The following ADAMTS10 variants were observed in gnomAD, a reference collection of about 807,000 sequenced individuals.
The protein encoded by ADAMTS10 is ADAM metallopeptidase with thrombospondin type 1 motif 10.
ADAMTS10 carries 48 observed loss-of-function variants against 135.9 expected under a neutral mutation model. The ratio of observed to expected loss-of-function variants is 0.35; its 90% confidence interval spans 0.28 to 0.45. ADAMTS10 has a LOEUF of 0.45. Among genes scored for constraint, ADAMTS10 ranks in the 20% least tolerant of loss-of-function variants. ADAMTS10 has a pLI of 1.00. For synonymous variants in ADAMTS10, 621 were observed against 647.5 expected, an observed-to-expected ratio of 0.96 and a Z score of 0.62; for missense variants, 1,131 against 1,565.2, an observed-to-expected ratio of 0.72 and a Z score of 4.68.
Position 8,590,756 on chromosome 19 carries a change from G to A in ADAMTS10, c.1798-765C>T, listed in dbSNP as rs1324602829. Among the ~76,000 whole-genome samples the A allele has an allele frequency of 1.8e-4, 27 of 152,216 alleles. 1 individual carries two copies. The highest frequency in any genetic ancestry group is 1.5e-3 in the South Asian group (7 of 4,820). On this transcript the variant is annotated intron_variant, in intron 15 of 25. Transcript: ENST00000597188. ...ATTGCAGGCATGAGCCACCTCATCC[G>A]GCCTAATTTTTGTATTTTTAGTAGA...
In ADAMTS10 at chr19:8,599,866, G is replaced by T. The variant is rs1600114528; in HGVS notation, c.810+1062C>A. Among the ~76,000 whole-genome samples, 4 of 150,988 alleles carry T rather than the reference G, an allele frequency of 2.6e-5. No individual in the cohort carries two copies. In the South Asian group the frequency reaches 8.4e-4, roughly 32 times the overall value. ...TTATTTTTTTTTGAGACAGAGTCTT[G>T]CTCTGTTGCCCAGGCTGGAGCACAG... On this transcript the variant is annotated intron_variant, in intron 6 of 25. Transcript: ENST00000597188.
chr19:8,589,952 A>G lies in ADAMTS10; in HGVS notation c.1837T>C (p.Cys613Arg), dbSNP rs2042500020. The change falls in exon 16 of 26, where the codon TGT becomes CGT. Residue 613 changes from cysteine to arginine, a missense_variant. Coordinates refer to ENST00000597188, the MANE Select transcript of ADAMTS10 (RefSeq NM_030957.4). ...AAAGGGATGCTGTCAAATTCAGAAC[A>G]CTGCACTTCTCTGAAGTCCTGGGAG... is the stretch of plus-strand genomic sequence containing the variant. ...PGSQDFREVQ[C>R]SEFDSIPFRG... The G allele has an allele frequency of 6.2e-7, 1 of 1,613,898 alleles. No homozygotes were observed. The highest frequency in any genetic ancestry group is 8.5e-7 in the Non-Finnish European group (1 of 1,180,032).
rs1555740340 is a variant in ADAMTS10, at chr19:8,596,703, C to T, written c.1041-118G>A. Reference sequence around the variant, plus strand: ...CTTGGAGGCGCCATCTGCCTCTCACCTGAAGCTGCATACAGGAGTGACTGA... The same window carrying T: ...CTTGGAGGCGCCATCTGCCTCTCACTTGAAGCTGCATACAGGAGTGACTGA... On this transcript the variant is annotated intron_variant, in intron 8 of 25. Coordinates refer to ENST00000597188, the MANE Select transcript of ADAMTS10 (RefSeq NM_030957.4). The surrounding 1 kb of genome is among the most constrained non-coding windows in gnomAD (Gnocchi z 7.2). 3.8e-6 allele frequency: 5 copies of T among 1,305,642 alleles called. No homozygotes were observed. Among genetic ancestry groups the T allele is most frequent in the Non-Finnish European group, 2.1e-6 (2 of 932,998 alleles). The allele number at this position is 1,305,642 out of a possible 1,614,324, so 80.9% of individuals were successfully genotyped here.
At chr19:8,604,796 T>G in intron 4 of ADAMTS10, 7 of 623,056 alleles carry the variant, frequency 1.1e-5, no homozygotes, top group African/African-American at 1.8e-5. Flanking sequence ...TCGAATTTTT[T>G]GAGATTGATG....
intron 4 of ADAMTS10, among the ~76,000 whole-genome samples, chr19:8,604,604 C>T (rs1555742116): frequency 6.6e-6 from 1 of 151,666 alleles, no homozygotes; most frequent in African/African-American, 2.4e-5. Context: ...ACCTCAGCCT[C>T]CTGAGTAGCT....
Position 8,589,271 on chromosome 19 carries a change from C to T in ADAMTS10, c.2129G>A (p.Gly710Asp), listed in dbSNP as rs1555738108. The change falls in exon 18 of 26, where the codon GGC becomes GAC. Residue 710 changes from glycine (G) to aspartate (D), a missense_variant. Gly to Asp is a moderately conservative substitution (Grantham distance 94). Transcript: ENST00000597188. Reference protein sequence around the residue: ...GDGSACETIEGVFSPASPGAG... With the variant: ...GDGSACETIEDVFSPASPGAG... Reference sequence around the variant, plus strand: ...CCCAGGTGAGGCTGGGCTGAAGACGCCCTCGATGGTCTCGCAGGCACTGCC... The same window carrying T: ...CCCAGGTGAGGCTGGGCTGAAGACGTCCTCGATGGTCTCGCAGGCACTGCC... 6.2e-7 allele frequency: 1 copy of T among 1,612,568 alleles called. No homozygotes were observed. Among genetic ancestry groups the T allele is most frequent in the African/African-American group, 1.3e-5 (1 of 75,048 alleles).
Position 8,584,966 on chromosome 19 carries a change from G to A in ADAMTS10, c.3131C>T (p.Ala1044Val), listed in dbSNP as rs2146037941. 3 of 1,547,298 alleles carry A rather than the reference G, an allele frequency of 1.9e-6. No individual in the cohort carries two copies. Among genetic ancestry groups the A allele is most frequent in the Non-Finnish European group, 2.6e-6 (3 of 1,146,284 alleles). ...TGQASHECTE[A>V]LRPPTTQQCE... ...CTGCTGCGTGGTGGGCGGCCGCAGG[G>A]CCTCCGTGCACTCGTGCGACGCCTG... Residue 1044 changes from alanine (A) to valine (V), a missense_variant, in exon 25 of 26, where the codon GCC becomes GTC. Physicochemically the swap from Ala to Val is moderately conservative, Grantham distance 64. This residue lies in a region of ADAMTS10 where 745 missense variants were observed against 1,056.3 expected (regional missense o/e 0.71). Coordinates refer to ENST00000597188, the MANE Select transcript of ADAMTS10 (RefSeq NM_030957.4).
rs570626367 is a variant in ADAMTS10 at position 8,591,784 on chromosome 19, G to C, written c.1797+16C>G. 6.2e-7 allele frequency: 1 copy of C among 1,613,588 alleles called. No homozygotes were observed. The highest frequency in any genetic ancestry group is 1.7e-5 in the Admixed American group (1 of 59,998). On this transcript the variant is annotated intron_variant, in intron 15 of 25. Coordinates refer to ENST00000597188, the MANE Select transcript of ADAMTS10 (RefSeq NM_030957.4). ...GCTTCCTCCCCCCACCCCTCAAGGG[G>C]TTTGGGGGAACTCACATCCGTGTTG...
At chr19:8,606,668 G>A (rs1390732967) in intron 2 of ADAMTS10, among the ~76,000 whole-genome samples, 8 of 152,164 alleles carry the variant, frequency 5.3e-5, no homozygotes, top group African/African-American at 1.2e-4. Context: ...TCTTTTTATA[G>A]ATGAGGAAAT....
At chr19:8,586,941 C>T in intron 18 of ADAMTS10, 45 bp from the exon 19 acceptor site, 1 of 1,594,382 alleles carries the variant, frequency 6.3e-7, no homozygotes, top group Non-Finnish European at 8.6e-7. Context: ...ATGTCCCCAA[C>T]ACCTGCCTGC....
In ADAMTS10 at chr19:8,605,252, G is replaced by A. The variant is rs782770826; in HGVS notation, c.195C>T (p.Arg65=). The A allele has an allele frequency of 6.2e-7, 1 of 1,613,234 alleles. No homozygotes were observed. Among genetic ancestry groups the A allele is most frequent in the Non-Finnish European group, 8.5e-7 (1 of 1,179,632 alleles). Residue 65 remains arginine, a synonymous_variant, in exon 4 of 26, where the codon CGC becomes CGT. Coordinates refer to ENST00000597188, the MANE Select transcript of ADAMTS10 (RefSeq NM_030957.4). This position sits in a 1 kb window ranked among gnomAD's most constrained non-coding sequence, Gnocchi z 7.7. ...AFSPPPPRRQ[R]RGTGATAESR... is the part of the protein sequence containing the mutation. ...ACTCGGCTGTGGCCCCCGTGCCGCG[G>A]CGCTGCCTCCGGGGAGGAGGTGGCG...
intron 12 of ADAMTS10, 75 bp downstream of exon 12, chr19:8,595,687 C>A: frequency 7.2e-7 from 1 of 1,383,322 alleles, no homozygotes; most frequent in Non-Finnish European, 9.9e-7. Context: ...AGGTGGGTGC[C>A]CTGGTGGAGT....
At chr19:8,607,561 A>G (rs2042734216) in intron 2 of ADAMTS10, among the ~76,000 whole-genome samples, 2 of 152,112 alleles carry the variant, frequency 1.3e-5, no homozygotes, top group East Asian at 1.9e-4. Flanking sequence ...TTAATCACAG[A>G]GTCTTGTTTT....
intron 25 of ADAMTS10, among the ~76,000 whole-genome samples, chr19:8,582,986 GTC>G (rs530532924): frequency 4.1e-4 from 62 of 152,036 alleles, no homozygotes; most frequent in African/African-American, 1.4e-3. Flanking sequence ...GTCTTACTAT[GTC>G]TCTCAGGCTG....
rs1555740519 is a variant in ADAMTS10 at position 8,597,328 on chromosome 19, A to G, written c.811-11T>C. 6.2e-7 allele frequency: 1 copy of G among 1,612,782 alleles called. No individual in the cohort carries two copies. The highest frequency in any genetic ancestry group is 1.7e-5 in the Admixed American group (1 of 59,802). ...GAAAAGTTTGGCAACCTGACCTCCA[A>G]GAAACAAGAGAGACCGAGTCTTAAG... On this transcript the variant is annotated splice_polypyrimidine_tract_variant and intron_variant, in intron 6 of 25. Transcript: ENST00000597188.
In ADAMTS10 at chr19:8,596,240, T is replaced by C; in HGVS notation, c.1191-21A>G. On this transcript the variant is annotated intron_variant, in intron 10 of 25. Transcript: ENST00000597188. This position sits in a 1 kb window ranked among gnomAD's most constrained non-coding sequence, Gnocchi z 7.2. ...CGAATCTGGGGAAAGGGGTGTCGGC[T>C]CTGCCGGGCGCTGAGGGACCCGCCC... 1.2e-6 allele frequency: 2 copies of C among 1,613,378 alleles called. No homozygotes were observed. The highest frequency in any genetic ancestry group is 1.7e-6 in the Non-Finnish European group (2 of 1,180,022).
chr19:8,595,872 G>T lies in ADAMTS10; in HGVS notation c.1369C>A (p.Pro457Thr), dbSNP rs782153973. 1 of 1,614,198 alleles carries T rather than the reference G, an allele frequency of 6.2e-7. No individual in the cohort carries two copies. Among genetic ancestry groups the T allele is most frequent in the South Asian group, 1.1e-5 (1 of 91,086 alleles). Residue 457 changes from proline (P) to threonine (T), a missense_variant, in exon 12 of 26, where the codon CCC becomes ACC. By Grantham distance (38) the Pro-to-Thr change is conservative (BLOSUM62 -1). This residue lies in a region of ADAMTS10 where 745 missense variants were observed against 1,056.3 expected (regional missense o/e 0.71). Transcript: ENST00000597188. ...GGGTACACAAAGTCCTGTCTGGGGG[G>T]CCGGTTGTTCAGGCAGAGCCCCAGG... ...SGLGLCLNNR[P>T]PRQDFVYPTV... is the part of the protein sequence containing the mutation.
chr19:8,605,156 T>A lies in ADAMTS10; in HGVS notation c.291A>T (p.Leu97=), dbSNP rs782548046. ...ACTCCACGGAGACGTGCCCTGCCAG[T>A]AGACGGGAGCTGCGGGTCAGGTTCA... ...FLLNLTRSSR[L]LAGHVSVEYW... The change falls in exon 4 of 26, where the codon CTA becomes CTT. Residue 97 remains leucine, a synonymous_variant. Transcript: ENST00000597188. The surrounding 1 kb of genome is among the most constrained non-coding windows in gnomAD (Gnocchi z 7.7). 6.2e-7 allele frequency: 1 copy of A among 1,613,810 alleles called. No individual in the cohort carries two copies. Among genetic ancestry groups the A allele is most frequent in the African/African-American group, 1.3e-5 (1 of 74,904 alleles).
At chr19:8,606,689 G>A (rs1555742663) in intron 2 of ADAMTS10, among the ~76,000 whole-genome samples, 1 of 152,198 alleles carries the variant, frequency 6.6e-6, no homozygotes, top group African/African-American at 2.4e-5. Context: ...AGACTCAGGA[G>A]TGATAGAGTT....
Sources: allele counts gnomAD v4.1 joint callset (sites outside exome capture counted in the v4.1 genomes callset), GRCh38; gene constraint gnomAD v4.1.1; regional missense constraint gnomAD v4.1.1; non-coding constraint Gnocchi (gnomAD v3.1); transcripts MANE v1.5; gene names NCBI Gene and HGNC (gene_info 2026-07-23, HGNC 2026-07-21).